Variants in PXDNL observed in about 807,000 individuals in gnomAD.
The protein encoded by PXDNL is probable oxidoreductase PXDNL.
A neutral mutation model predicts 150.8 loss-of-function variants in PXDNL; 145 were observed. The ratio of observed to expected loss-of-function variants is 0.96; its 90% CI spans 0.84 to 1.10. PXDNL has a LOEUF of 1.10. Ranked by LOEUF, PXDNL falls within the 50% of genes least tolerant of loss-of-function variation. PXDNL has a pLI of 0.00. For missense variants in PXDNL, 2,087 were observed against 1,873.9 expected, an observed-to-expected ratio of 1.11 and a Z score of -2.10; for synonymous variants, 757 against 725.7, an observed-to-expected ratio of 1.04 and a Z score of -0.69.
At chr8:51,423,314 A>G (rs987527552) in intron 14 of PXDNL, among the ~76,000 whole-genome samples, 69 of 152,310 alleles carry the variant, frequency 4.5e-4, no homozygotes, top group African/African-American at 1.6e-3. Context: ...TTGGTTTGTA[A>G]GAAAACATGA....
chr8:51,636,512 TCAA>T (rs1814605875), intron 2 of PXDNL, among the ~76,000 whole-genome samples: 1 of 152,050 alleles, frequency 6.6e-6, no homozygotes, highest in Non-Finnish European at 1.5e-5. Context: ...AGGTACAAAG[TCAA>T]CATGCAAAAA....
At chr8:51,599,521 T>A (rs1007035326) in intron 2 of PXDNL, among the ~76,000 whole-genome samples, 36 of 150,836 alleles carry the variant, frequency 2.4e-4, no homozygotes, top group African/African-American at 8.7e-4. Flanking sequence ...AAGGGTGAGG[T>A]TTTGAGAAAT....
chr8:51,438,302 TA>T (rs1229937943), intron 12 of PXDNL, among the ~76,000 whole-genome samples: 7 of 151,382 alleles, frequency 4.6e-5, no homozygotes, highest in East Asian at 2.0e-4. Context: ...TTCACAGAAC[TA>T]AAAAAAGCAA....
At chr8:51,730,270 A>C (rs915129239) in intron 1 of PXDNL, among the ~76,000 whole-genome samples, 1 of 152,228 alleles carries the variant, frequency 6.6e-6, no homozygotes, top group Non-Finnish European at 1.5e-5. Flanking sequence ...AAACTGCTCT[A>C]AATAATAAAG....
chr8:51,519,860 C>T (rs372412868), intron 4 of PXDNL, among the ~76,000 whole-genome samples: 1 of 151,938 alleles, frequency 6.6e-6, no homozygotes, highest in Non-Finnish European at 1.5e-5. Context: ...TTTTTTGGAC[C>T]CACCAGAGAA....
chr8:51,671,355 G>A (rs575640757), intron 1 of PXDNL, among the ~76,000 whole-genome samples: 2 of 152,150 alleles, frequency 1.3e-5, no homozygotes, highest in African/African-American at 2.4e-5. Context: ...AAATTTTATA[G>A]TGTCCTCCTT....
intron 1 of PXDNL, among the ~76,000 whole-genome samples, chr8:51,802,846 T>A (rs1259041442): frequency 6.6e-6 from 1 of 152,242 alleles, no homozygotes; most frequent in Non-Finnish European, 1.5e-5. Flanking sequence ...CACACCAGGA[T>A]GTTTAAGTTA....
chr8:51,505,222 A>G (rs969406127), intron 4 of PXDNL, among the ~76,000 whole-genome samples: 1 of 152,222 alleles, frequency 6.6e-6, no homozygotes. Flanking sequence ...GCCACCAAAG[A>G]GAGGACAAAA....
At chr8:51,636,899 G>A (rs1814615265) in intron 2 of PXDNL, among the ~76,000 whole-genome samples, 1 of 150,482 alleles carries the variant, frequency 6.6e-6, no homozygotes, top group South Asian at 2.1e-4. Flanking sequence ...GCCTCCTCAA[G>A]TGGGTCCCTG....
chr8:51,785,269 G>A (rs1324392633), intron 1 of PXDNL, among the ~76,000 whole-genome samples: 1 of 151,988 alleles, frequency 6.6e-6, no homozygotes, highest in Non-Finnish European at 1.5e-5. Flanking sequence ...TGAATGAAAT[G>A]ATTAACATGG....
At chr8:51,336,008 TGAA>T (rs1805822862) in intron 21 of PXDNL, among the ~76,000 whole-genome samples, 2 of 152,106 alleles carry the variant, frequency 1.3e-5, no homozygotes, top group South Asian at 4.1e-4. Flanking sequence ...ATCAACAGTG[TGAA>T]ATGTCAAGAC....
intron 1 of PXDNL, among the ~76,000 whole-genome samples, chr8:51,666,975 C>T (rs888250306): frequency 1.3e-5 from 2 of 152,306 alleles, no homozygotes; most frequent in African/African-American, 4.8e-5. Context: ...CTGTTTCCCT[C>T]CCTTAGGCTT....
intron 5 of PXDNL, among the ~76,000 whole-genome samples, chr8:51,491,828 A>C (rs956128912): frequency 6.6e-6 from 1 of 152,242 alleles, no homozygotes; most frequent in Non-Finnish European, 1.5e-5. Context: ...TTGGAGTCCC[A>C]TGTCTTTTGA....
At chr8:51,452,979 G>A (rs1240360686) in intron 10 of PXDNL, among the ~76,000 whole-genome samples, 1 of 73,504 alleles carries the variant, frequency 1.4e-5, no homozygotes, top group African/African-American at 6.0e-5. Context: ...CACCAGAAAG[G>A]GGCCACCCCA....
At position 51,339,800 on chromosome 8, in the gene PXDNL, G is replaced by T. The variant is rs1211084493; in HGVS notation, c.4017-47C>A. On this transcript the variant is annotated intron_variant, in intron 20 of 22. Coordinates refer to ENST00000356297, the MANE Select transcript of PXDNL (RefSeq NM_144651.5). ...TAAAATGCTGAAAAATAAAAGTCGT[G>T]TGAGAATTTTAAAATATCATCAAAT... is the stretch of plus-strand genomic sequence containing the variant. The T allele has an allele frequency of 3.2e-6, 5 of 1,561,740 alleles. No homozygotes were observed. In the Admixed American group the frequency reaches 5.7e-5, roughly 18 times the overall value.
chr8:51,523,198 G>A (rs979486879), intron 4 of PXDNL, among the ~76,000 whole-genome samples: 3 of 152,242 alleles, frequency 2.0e-5, no homozygotes, highest in East Asian at 3.9e-4. Flanking sequence ...ATGAAAAGTC[G>A]ATTAAGATAG....
intron 17 of PXDNL, among the ~76,000 whole-genome samples, chr8:51,383,691 A>G (rs920085704): frequency 1.3e-5 from 2 of 152,216 alleles, no homozygotes; most frequent in African/African-American, 4.8e-5. Context: ...TAAACAGTCT[A>G]GCTATATTTT....
At chr8:51,388,210 T>C (rs62506864) in intron 17 of PXDNL, among the ~76,000 whole-genome samples, 2,771 of 152,298 alleles carry the variant, frequency 0.018, 29 homozygotes, top group Non-Finnish European at 0.026. Context: ...TTGGCTTTCT[T>C]ATTATTCGAA....
intron 7 of PXDNL, 40 bp downstream of exon 7, chr8:51,474,932 G>T (rs750409170): frequency 7.5e-6 from 11 of 1,466,444 alleles, no homozygotes; most frequent in Non-Finnish European, 1.0e-5. Context: ...GAGCAAATGA[G>T]AGACAGTTCT....
Sources: gnomAD v4.1 joint callset for allele counts (sites outside exome capture counted in the v4.1 genomes callset) on GRCh38, gnomAD v4.1.1 for gene constraint, MANE v1.5 for transcripts, NCBI Gene and HGNC (gene_info 2026-07-23, HGNC 2026-07-21) for gene names.